GFRA1: variants seen among roughly 807,000 people sequenced by gnomAD.
The protein encoded by GFRA1 is GDNF family receptor alpha 1.
In GFRA1, 16 loss-of-function variants were observed where a neutral mutation model predicts 51.6. The ratio of observed to expected loss-of-function variants is 0.31; its 90% CI spans 0.21 to 0.47. The LOEUF (loss-of-function observed/expected upper bound fraction) is 0.47, where lower values mean the gene tolerates loss of function less well. GFRA1 is among the 20% of genes least tolerant of loss of function. The pLI is 1.00. For missense variants in GFRA1, 530 were observed against 594.3 expected, an observed-to-expected ratio of 0.89 and a Z score of 1.13; for synonymous variants, 270 against 241.3, an observed-to-expected ratio of 1.12 and a Z score of -1.10.
chr10:116,176,882 GCAGTGGCAGACGCTGCAGT>G (rs1421200839), intron 5 of GFRA1, among the ~76,000 whole-genome samples: 1 of 152,170 alleles, frequency 6.6e-6, no homozygotes, highest in Non-Finnish European at 1.5e-5. Context: ...ATGCAGTGTG[GCAGTGGCAGACGCTGCAGT>G]GGAGCGGTGG....
At chr10:116,268,056 G>A (rs920865799) in intron 4 of GFRA1, among the ~76,000 whole-genome samples, 4 of 151,958 alleles carry the variant, frequency 2.6e-5, no homozygotes, top group African/African-American at 9.7e-5. Flanking sequence ...CCCAGCCTAG[G>A]GATCTTGTTA....
intron 5 of GFRA1, among the ~76,000 whole-genome samples, chr10:116,127,579 A>G (rs76460831): frequency 6.6e-6 from 1 of 152,278 alleles, no homozygotes; most frequent in African/African-American, 2.4e-5. Flanking sequence ...CCCGGCTTTA[A>G]CAAGCACACC....
At chr10:116,089,483 T>G (rs562395240) in intron 9 of GFRA1, among the ~76,000 whole-genome samples, 2 of 152,180 alleles carry the variant, frequency 1.3e-5, no homozygotes, top group South Asian at 4.1e-4. Context: ...GAACCCTCAT[T>G]GTATAGGTAA....
At chr10:116,173,803 G>A (rs998138677) in intron 5 of GFRA1, among the ~76,000 whole-genome samples, 5 of 152,138 alleles carry the variant, frequency 3.3e-5, no homozygotes, top group South Asian at 2.1e-4. Context: ...TTGGCCCGGC[G>A]CGGTGGCTTA....
chr10:116,162,534 G>A (rs1022583057), intron 5 of GFRA1, among the ~76,000 whole-genome samples: 2 of 152,204 alleles, frequency 1.3e-5, no homozygotes, highest in Non-Finnish European at 2.9e-5. Flanking sequence ...ATTCCAAAGA[G>A]GTTGGTCTGC....
chr10:116,108,312 G>A (rs1294745778), intron 6 of GFRA1, among the ~76,000 whole-genome samples: 1 of 152,070 alleles, frequency 6.6e-6, no homozygotes, highest in Non-Finnish European at 1.5e-5. Flanking sequence ...TCTTAGATAG[G>A]GCATTGAGAA....
chr10:116,161,306 G>T (rs182288582), intron 5 of GFRA1, among the ~76,000 whole-genome samples: 3 of 152,132 alleles, frequency 2.0e-5, no homozygotes, highest in African/African-American at 7.2e-5. Context: ...TATTTGATGT[G>T]CTATGTTTTT....
chr10:116,256,050 G>A (rs901548140), intron 4 of GFRA1, among the ~76,000 whole-genome samples: 1 of 152,096 alleles, frequency 6.6e-6, no homozygotes, highest in Non-Finnish European at 1.5e-5. Context: ...CCTACCCACC[G>A]GTTTCCTGCA....
chr10:116,128,353 G>C (rs1024575085), intron 5 of GFRA1, among the ~76,000 whole-genome samples: 1 of 152,040 alleles, frequency 6.6e-6, no homozygotes, highest in Non-Finnish European at 1.5e-5. Flanking sequence ...TAAAAATAAC[G>C]AAAGTCAACA....
rs559634810 is a variant in GFRA1, at chr10:116,092,236, G to A, written c.1015+1466C>T. Among the ~76,000 whole-genome samples the A allele has an allele frequency of 1.1e-4, 17 of 152,136 alleles. No individual in the cohort carries two copies. The East Asian group carries it at 2.9e-3, about 26-fold the overall frequency. ...TCCTTACTTGACACTACTTTTGTGGGTGTGAATTTCACTTAAGAATCCAAA... is the reference window on the plus strand; with the variant it reads ...TCCTTACTTGACACTACTTTTGTGGATGTGAATTTCACTTAAGAATCCAAA... On this transcript the variant is annotated intron_variant, in intron 8 of 10. Coordinates refer to ENST00000355422, the MANE Select transcript of GFRA1 (RefSeq NM_005264.8).
chr10:116,228,605 C>T (rs1966471684), intron 4 of GFRA1, among the ~76,000 whole-genome samples: 1 of 152,220 alleles, frequency 6.6e-6, no homozygotes, highest in Non-Finnish European at 1.5e-5. Flanking sequence ...TAATCTTCCC[C>T]CAGAGAGTTA....
intron 4 of GFRA1, chr10:116,226,806 G>A (rs1194303626): frequency 5.0e-6 from 2 of 401,154 alleles, no homozygotes; most frequent in African/African-American, 2.0e-5. Context: ...CTACCTGGGA[G>A]GGATGGGAGA....
chr10:116,225,606 T>C lies in GFRA1; in HGVS notation c.419-13961A>G, dbSNP rs868756208. The stretch of plus-strand genomic sequence containing the variant: ...AGCTGTGTGAAACTAATTTTTTTTT[T>C]TGAGACGGAGTCTTGCTCTATTGTC... On this transcript the variant is annotated intron_variant, in intron 4 of 10. Transcript: ENST00000355422. Among the ~76,000 whole-genome samples the C allele has an allele frequency of 2.0e-5, 3 of 151,740 alleles. No individual in the cohort carries two copies. The South Asian group carries it at 6.2e-4, about 32-fold the overall frequency.
intron 5 of GFRA1, among the ~76,000 whole-genome samples, chr10:116,184,788 C>G (rs1260560974): frequency 1.3e-5 from 2 of 152,146 alleles, no homozygotes; most frequent in East Asian, 1.9e-4. Flanking sequence ...ACATTGGTCA[C>G]CGGTGTTCCT....
chr10:116,206,281 T>A (rs1037716179), intron 5 of GFRA1, among the ~76,000 whole-genome samples: 1 of 152,168 alleles, frequency 6.6e-6, no homozygotes, highest in African/African-American at 2.4e-5. Flanking sequence ...AGGGGGAGCA[T>A]AATTCATGGC....
At chr10:116,235,388 T>TA (rs1258587369) in intron 4 of GFRA1, among the ~76,000 whole-genome samples, 3 of 152,148 alleles carry the variant, frequency 2.0e-5, no homozygotes, top group Admixed American at 1.3e-4. Context: ...TAACAATGAA[T>TA]AAAACGGTAT....
intron 5 of GFRA1, among the ~76,000 whole-genome samples, chr10:116,184,698 G>T (rs993182514): frequency 2.0e-5 from 3 of 152,238 alleles, no homozygotes; most frequent in Admixed American, 6.5e-5. Flanking sequence ...GAGATCTGGG[G>T]CCTGTCTCAG....
chr10:116,217,028 A>AT (rs1477291134), intron 4 of GFRA1, among the ~76,000 whole-genome samples: 26 of 152,224 alleles, frequency 1.7e-4, no homozygotes, highest in African/African-American at 6.0e-4. Context: ...AATGCAGTGA[A>AT]TTTTTTCTTT....
intron 5 of GFRA1, among the ~76,000 whole-genome samples, chr10:116,176,049 G>T (rs1204509485): frequency 6.6e-6 from 1 of 152,164 alleles, no homozygotes. Context: ...GTATTATTTG[G>T]AAAAGATGAC....
Sources: allele counts gnomAD v4.1 joint callset (sites outside exome capture counted in the v4.1 genomes callset), GRCh38; gene constraint gnomAD v4.1.1; transcripts MANE v1.5; gene names NCBI Gene and HGNC (gene_info 2026-07-23, HGNC 2026-07-21).